The following NKAIN3 variants were observed in gnomAD, a reference collection of about 807,000 sequenced individuals.
NKAIN3 encodes the protein sodium/potassium-transporting ATPase subunit beta-1-interacting protein 3.
NKAIN3 carries 25 observed loss-of-function variants against 30.2 expected under a neutral mutation model. The ratio of observed to expected loss-of-function variants is 0.83; its 90% CI spans 0.60 to 1.16. The LOEUF (loss-of-function observed/expected upper bound fraction) is 1.16. Among genes scored for constraint, NKAIN3 ranks in the 50% most tolerant of loss-of-function variants. The pLI, the probability that NKAIN3 is intolerant of heterozygous loss-of-function variation, is 0.00. For missense variants in NKAIN3, 225 were observed against 254.1 expected (o/e 0.89, Z 0.78); for synonymous variants, 91 against 89.6 (o/e 1.02, Z -0.09).
In NKAIN3 at chr8:62,712,500, G is replaced by A. The variant is rs140965971; in HGVS notation, c.274-34432G>A. On this transcript the variant is annotated intron_variant, in intron 3 of 6. Coordinates refer to ENST00000623646, the MANE Select transcript of NKAIN3 (RefSeq NM_001304533.3). ...ATGGCTGCCTCTGCTGAGTCATGCA[G>A]GTTATCAGGGAAGTGGGGGAAAGCC... Among the ~76,000 whole-genome samples, 102 of 152,206 alleles carry A rather than the reference G, an allele frequency of 6.7e-4. 1 individual carries two copies. The Middle Eastern group carries it at 0.01, about 15-fold the overall frequency.
chr8:62,971,648 G>C lies in NKAIN3; in HGVS notation c.*6241G>C, dbSNP rs1306181862. On this transcript the variant is annotated 3_prime_UTR_variant, in exon 7 of 7. Transcript: ENST00000623646. Reference sequence around the variant, plus strand: ...ACCTTGTCTCAAAAAAAAAGCGGGGGGGGCTTCATTTATTAGTAAGAAGGA... The same window carrying C: ...ACCTTGTCTCAAAAAAAAAGCGGGGCGGGCTTCATTTATTAGTAAGAAGGA... Among the ~76,000 whole-genome samples, 1 of 151,804 alleles carries C rather than the reference G, an allele frequency of 6.6e-6. No individual in the cohort carries two copies.
rs569204245 is a variant in NKAIN3 at position 62,959,065 on chromosome 8, T to C, written c.603+5093T>C. On this transcript the variant is annotated intron_variant, in intron 6 of 6. Coordinates refer to ENST00000623646, the MANE Select transcript of NKAIN3 (RefSeq NM_001304533.3). The stretch of plus-strand genomic sequence containing the variant: ...GTTTTCTTTGGTATCTTAACTTGTC[T>C]GATTGCCTTTGCTGGAGGCTAATTT... 1.9e-4 allele frequency among the ~76,000 whole-genome samples: 29 copies of C among 152,374 alleles called. No individual in the cohort carries two copies. In the South Asian group the frequency reaches 6.0e-3, roughly 32 times the overall value.
intron 4 of NKAIN3, among the ~76,000 whole-genome samples, chr8:62,846,123 T>A (rs929980515): frequency 8.6e-5 from 13 of 151,650 alleles, no homozygotes; most frequent in African/African-American, 3.1e-4. Flanking sequence ...GGAATAAAGA[T>A]AAAAAAAACA....
At chr8:62,344,887 T>A (rs1219789423) in intron 1 of NKAIN3, 3 of 421,648 alleles carry the variant, frequency 7.1e-6, no homozygotes, top group Admixed American at 5.2e-5. Context: ...AATTGTTAGA[T>A]AACTTTGAGT....
chr8:62,824,498 ACACACACACACACAC>A (rs1818958345), intron 4 of NKAIN3, among the ~76,000 whole-genome samples: 6 of 6,938 alleles, frequency 8.6e-4, no homozygotes, highest in East Asian at 8.2e-3. Flanking sequence ...TTCAACACAC[ACACACACACACACAC>A]ACACACACAC....
intron 4 of NKAIN3, among the ~76,000 whole-genome samples, chr8:62,777,348 A>AT (rs892980826): frequency 7.9e-5 from 12 of 151,276 alleles, no homozygotes; most frequent in African/African-American, 2.7e-4. Flanking sequence ...TCCTTTGAGG[A>AT]TTTTTTTTTA....
At chr8:62,303,067 T>C (rs747970347) in intron 1 of NKAIN3, among the ~76,000 whole-genome samples, 45 of 150,260 alleles carry the variant, frequency 3.0e-4, no homozygotes, top group Non-Finnish European at 2.4e-4. Context: ...TTGTGGACCC[T>C]GGGATAACGA....
intron 1 of NKAIN3, among the ~76,000 whole-genome samples, chr8:62,412,917 A>C (rs762525465): frequency 2.3e-4 from 19 of 82,392 alleles, no homozygotes; most frequent in South Asian, 4.1e-4. Context: ...GTCAAAAAAA[A>C]AAAACAAAAA....
At chr8:62,854,375 G>C (rs764184729) in intron 4 of NKAIN3, among the ~76,000 whole-genome samples, 3 of 152,196 alleles carry the variant, frequency 2.0e-5, no homozygotes, top group Non-Finnish European at 4.4e-5. Context: ...TTATGCATCT[G>C]GGTGCCCCTG....
At chr8:62,996,183 C>T (rs1804108066) in intron 5 of NKAIN3, among the ~76,000 whole-genome samples, 1 of 150,562 alleles carries the variant, frequency 6.6e-6, no homozygotes, top group African/African-American at 2.4e-5. Context: ...TGAATTAACT[C>T]ATAGTTCTGC....
At chr8:62,255,484 C>T (rs1325637166) in intron 1 of NKAIN3, among the ~76,000 whole-genome samples, 1 of 152,076 alleles carries the variant, frequency 6.6e-6, no homozygotes, top group African/African-American at 2.4e-5. Context: ...TTTCTAGCCT[C>T]CAGAACTATG....
chr8:62,517,637 G>A (rs1221758169), intron 1 of NKAIN3, among the ~76,000 whole-genome samples: 1 of 152,066 alleles, frequency 6.6e-6, no homozygotes, highest in African/African-American at 2.4e-5. Context: ...ATGTGGGAGG[G>A]CACCAGTAGT....
chr8:62,301,501 T>C (rs2129587977), intron 1 of NKAIN3, among the ~76,000 whole-genome samples: 1 of 152,216 alleles, frequency 6.6e-6, no homozygotes, highest in Non-Finnish European at 1.5e-5. Context: ...GTTTGAACAG[T>C]TGGGCACCTT....
intron 4 of NKAIN3, among the ~76,000 whole-genome samples, chr8:62,851,724 T>C (rs1321028612): frequency 6.6e-6 from 1 of 152,188 alleles, no homozygotes; most frequent in Non-Finnish European, 1.5e-5. Context: ...TTATATGGTT[T>C]TTTCATTGGT....
intron 4 of NKAIN3, among the ~76,000 whole-genome samples, chr8:62,903,886 A>G (rs1212587655): frequency 1.3e-5 from 2 of 152,074 alleles, no homozygotes; most frequent in Non-Finnish European, 2.9e-5. Flanking sequence ...ACGGGAACTC[A>G]CTCACTATCA....
At chr8:62,368,810 A>T (rs960832459) in intron 1 of NKAIN3, among the ~76,000 whole-genome samples, 11 of 116,604 alleles carry the variant, frequency 9.4e-5, no homozygotes, top group African/African-American at 2.8e-4. Flanking sequence ...TTTTCTTTAA[A>T]AACTTTTTCT....
chr8:62,844,673 A>G (rs1203900077), intron 4 of NKAIN3, among the ~76,000 whole-genome samples: 2 of 152,160 alleles, frequency 1.3e-5, no homozygotes, highest in Non-Finnish European at 2.9e-5. Context: ...TTGCTTTGAT[A>G]CAAAATGCTG....
At chr8:62,589,366 T>A (rs1810580889) in intron 2 of NKAIN3, among the ~76,000 whole-genome samples, 1 of 151,832 alleles carries the variant, frequency 6.6e-6, no homozygotes, top group Middle Eastern at 3.4e-3. Context: ...AACTTAAAGA[T>A]GATAGAGAGC....
chr8:62,928,543 C>A (rs908149044), intron 5 of NKAIN3, among the ~76,000 whole-genome samples: 1 of 152,166 alleles, frequency 6.6e-6, no homozygotes, highest in African/African-American at 2.4e-5. Context: ...TCACTAAGCC[C>A]GTTTGTTTGT....
Sources: allele counts gnomAD v4.1 joint callset (sites outside exome capture counted in the v4.1 genomes callset), GRCh38; gene constraint gnomAD v4.1.1; transcripts MANE v1.5; gene names NCBI Gene and HGNC (gene_info 2026-07-23, HGNC 2026-07-21).